The following ARHGAP25 variants were observed in gnomAD, a reference collection of about 807,000 sequenced individuals.
ARHGAP25 encodes the protein Rho GTPase activating protein 25.
A neutral mutation model predicts 71.0 loss-of-function variants in ARHGAP25; 34 were observed. The observed-to-expected ratio is 0.48, with a 90% CI of 0.36 to 0.64. ARHGAP25 has a LOEUF of 0.64. ARHGAP25 is among the 30% of genes least tolerant of loss of function. The pLI, the probability that ARHGAP25 is intolerant of heterozygous loss-of-function variation, is 0.00. For synonymous variants in ARHGAP25, 282 were observed against 296.5 expected (o/e 0.95, Z 0.50); for missense variants, 706 against 805.1 (o/e 0.88, Z 1.49).
At chr2:68,793,716 C>T (rs1017117918) in intron 4 of ARHGAP25, among the ~76,000 whole-genome samples, 1 of 152,074 alleles carries the variant, frequency 6.6e-6, no homozygotes, top group Non-Finnish European at 1.5e-5. Context: ...TATGATGCCT[C>T]CAGCCTTGTT....
At chr2:68,823,866 A>T (rs1183238882) in intron 10 of ARHGAP25, among the ~76,000 whole-genome samples, 1 of 152,200 alleles carries the variant, frequency 6.6e-6, no homozygotes, top group Admixed American at 6.5e-5. Context: ...GGGTAGATAG[A>T]GTATTTTCTT....
At chr2:68,733,591 G>A (rs1190818802), upstream of ARHGAP25, among the ~76,000 whole-genome samples, 2 of 152,282 alleles carry the variant, frequency 1.3e-5, no homozygotes, top group African/African-American at 4.8e-5. Context: ...AGTGTTAACA[G>A]CCAGTTCACC....
intron 1 of ARHGAP25, among the ~76,000 whole-genome samples, chr2:68,774,589 A>G (rs971083971): frequency 1.3e-5 from 2 of 152,228 alleles, no homozygotes; most frequent in African/African-American, 4.8e-5. Context: ...ACAGAATGGC[A>G]CTGGGCAGGA....
At chr2:68,748,017 T>G (rs1675937887) in intron 1 of ARHGAP25, among the ~76,000 whole-genome samples, 1 of 152,168 alleles carries the variant, frequency 6.6e-6, no homozygotes, top group South Asian at 2.1e-4. Context: ...AAAGTGGAAA[T>G]CAAATGTGTC....
chr2:68,732,328 C>G (rs1344854042), upstream of ARHGAP25, among the ~76,000 whole-genome samples: 1 of 152,156 alleles, frequency 6.6e-6, no homozygotes, highest in African/African-American at 2.4e-5. Flanking sequence ...AAGTTCCCTG[C>G]GTGTTTCTTA....
intron 3 of ARHGAP25, among the ~76,000 whole-genome samples, chr2:68,786,798 A>G (rs1678787847): frequency 6.6e-6 from 1 of 152,198 alleles, no homozygotes; most frequent in South Asian, 2.1e-4. Context: ...AGGCACAACT[A>G]CTCAGCTAGA....
In ARHGAP25 at chr2:68,720,316, CAAAAAAAAA is replaced by C. The variant is rs11314943; in HGVS notation, c.-18+9627_-18+9635del. Among the ~76,000 whole-genome samples, 31 of 75,698 alleles carry C rather than the reference CAAAAAAAAA, an allele frequency of 4.1e-4. No homozygotes were observed. In the South Asian group the frequency reaches 0.011, roughly 27 times the overall value. 49.7% of individuals were successfully genotyped at this position (75,698 alleles called of 152,430 possible). ...ATTGCAGACATAGAAACATTTCAGT[CAAAAAAAAA>C]AAAAAAAAGAAAAGAAAAGAAAAGA... On this transcript the variant is annotated intron_variant and NMD_transcript_variant, in intron 2 of 7. Transcript: ENST00000463483.
chr2:68,805,143 G>T (rs142374910), intron 4 of ARHGAP25, among the ~76,000 whole-genome samples: 2 of 152,120 alleles, frequency 1.3e-5, no homozygotes, highest in Non-Finnish European at 2.9e-5. Flanking sequence ...GCCAGGGAAG[G>T]GGGAGAGCAG....
chr2:68,805,143 G>C (rs142374910), intron 4 of ARHGAP25, among the ~76,000 whole-genome samples: 2 of 152,238 alleles, frequency 1.3e-5, no homozygotes, highest in African/African-American at 2.4e-5. Flanking sequence ...GCCAGGGAAG[G>C]GGGAGAGCAG....
At chr2:68,795,842 T>G (rs1394216962) in intron 4 of ARHGAP25, among the ~76,000 whole-genome samples, 1 of 152,236 alleles carries the variant, frequency 6.6e-6, no homozygotes, top group Non-Finnish European at 1.5e-5. Context: ...ATCTGGGTAA[T>G]GCTGAGAATG....
intron 4 of ARHGAP25, among the ~76,000 whole-genome samples, chr2:68,788,749 T>C (rs1007947628): frequency 6.6e-6 from 1 of 152,228 alleles, no homozygotes; most frequent in Non-Finnish European, 1.5e-5. Context: ...CACGCCTACT[T>C]GTGTCAACTC....
intron 4 of ARHGAP25, among the ~76,000 whole-genome samples, chr2:68,806,603 A>G (rs1204709230): frequency 6.6e-6 from 1 of 152,234 alleles, no homozygotes; most frequent in Non-Finnish European, 1.5e-5. Context: ...CACTGGACAA[A>G]GGGATGACTC....
At chr2:68,722,599 G>A (rs1279074556) in intron 2 of ARHGAP25, among the ~76,000 whole-genome samples, 1 of 148,928 alleles carries the variant, frequency 6.7e-6, no homozygotes. Context: ...AAAAGAATTT[G>A]CTACATTCCA....
intron 6 of ARHGAP25, among the ~76,000 whole-genome samples, chr2:68,815,640 A>C (rs1251040960): frequency 6.6e-6 from 1 of 151,882 alleles, no homozygotes; most frequent in African/African-American, 2.4e-5. Flanking sequence ...TCTCACAAGC[A>C]CCATGTTGCA....
In ARHGAP25 at chr2:68,822,825, A is replaced by G; in HGVS notation, c.1686A>G (p.Arg562=). 6.2e-7 allele frequency: 1 copy of G among 1,613,840 alleles called. No individual in the cohort carries two copies. The highest frequency in any genetic ancestry group is 8.5e-7 in the Non-Finnish European group (1 of 1,179,964). ...TGCAGAGGATGGTCCAAGAGCTACG[A>G]AAGGAAATAGAAACACAGAAGCAAA... The part of the protein sequence containing the change: ...DSLQRMVQEL[R]KEIETQKQMY... Residue 562 remains arginine, a synonymous_variant, in exon 10 of 11, where the codon CGA becomes CGG. Coordinates refer to ENST00000409202, the MANE Select transcript of ARHGAP25 (RefSeq NM_001007231.3).
At chr2:68,792,549 T>C (rs936379599) in intron 4 of ARHGAP25, among the ~76,000 whole-genome samples, 1 of 152,358 alleles carries the variant, frequency 6.6e-6, no homozygotes, top group Admixed American at 6.5e-5. Context: ...AAATGGCTTC[T>C]AGTTCTATCG....
At chr2:68,752,292 A>G (rs1676223804) in intron 1 of ARHGAP25, among the ~76,000 whole-genome samples, 1 of 151,468 alleles carries the variant, frequency 6.6e-6, no homozygotes, top group Non-Finnish European at 1.5e-5. Context: ...GTTTTATAGA[A>G]GTGTAAAAAA....
intron 1 of ARHGAP25, among the ~76,000 whole-genome samples, chr2:68,758,542 A>T (rs1281570044): frequency 1.3e-5 from 2 of 152,022 alleles, no homozygotes; most frequent in Non-Finnish European, 2.9e-5. Flanking sequence ...TAGATTGCTC[A>T]GTACAATGAG....
intron 4 of ARHGAP25, among the ~76,000 whole-genome samples, chr2:68,797,237 A>G (rs1396208914): frequency 6.6e-6 from 1 of 152,120 alleles, no homozygotes; most frequent in Non-Finnish European, 1.5e-5. Flanking sequence ...GGAAGTCCTT[A>G]GGCCGCTTGT....
Sources: allele counts gnomAD v4.1 joint callset (sites outside exome capture counted in the v4.1 genomes callset), GRCh38; gene constraint gnomAD v4.1.1; transcripts MANE v1.5; gene names NCBI Gene and HGNC (gene_info 2026-07-23, HGNC 2026-07-21).